Variants in MAP7D2 observed in about 807,000 individuals in gnomAD.
MAP7D2 encodes the protein MAP7 domain-containing protein 2.
Under a neutral mutation model 63.5 loss-of-function variants are expected in MAP7D2, and 33 were observed. The ratio of observed to expected loss-of-function variants is 0.52; its 90% confidence interval spans 0.39 to 0.70. The LOEUF is 0.70. MAP7D2 is among the 30% of genes least tolerant of loss of function. MAP7D2 has a pLI of 0.00. For missense variants in MAP7D2, 626 were observed against 604.0 expected, an observed-to-expected ratio of 1.04 and a Z score of -0.38; for synonymous variants, 224 against 223.7, an observed-to-expected ratio of 1.00 and a Z score of -0.01.
At chrX:20,086,759 T>C (rs1225954037) in intron 1 of MAP7D2, among the ~76,000 whole-genome samples, 1 of 111,527 alleles carries the variant, frequency 9.0e-6, no homozygotes, top group African/African-American at 3.3e-5. Flanking sequence ...GGCACAGTCC[T>C]AAATGCTGTT....
At chrX:20,099,242 CT>C (rs2066361347) in intron 1 of MAP7D2, among the ~76,000 whole-genome samples, 1 of 14,027 alleles carries the variant, frequency 7.1e-5, no homozygotes, top group Non-Finnish European at 1.6e-4. Flanking sequence ...TATACTCTCT[CT>C]CTCTCTCTCT....
At chrX:20,099,998 G>C (rs1263374982) in intron 1 of MAP7D2, among the ~76,000 whole-genome samples, 3 of 111,478 alleles carry the variant, frequency 2.7e-5, no homozygotes, top group Non-Finnish European at 5.6e-5. Flanking sequence ...ACTTCCCTCA[G>C]ATCCTGGGGG....
chrX:20,114,096 C>T (rs971924931), intron 1 of MAP7D2, among the ~76,000 whole-genome samples: 1 of 112,069 alleles, frequency 8.9e-6, no homozygotes, highest in African/African-American at 3.2e-5. Flanking sequence ...TACAGTGGCG[C>T]GAGGTCAGCT....
At chrX:20,010,052 A>C (rs940517367) in intron 16 of MAP7D2, among the ~76,000 whole-genome samples, 4 of 112,034 alleles carry the variant, frequency 3.6e-5, no homozygotes, top group African/African-American at 1.3e-4. Flanking sequence ...TAAATTATTA[A>C]AGGATTTGGT....
intron 6 of MAP7D2, chrX:20,049,859 T>TA (rs1369676348): frequency 6.2e-6 from 2 of 324,085 alleles, no homozygotes; most frequent in Admixed American, 6.4e-5. Context: ...TTTCCCCTTT[T>TA]AAAAAAATTC....
chrX:20,020,317 G>C (rs569224994), intron 10 of MAP7D2, among the ~76,000 whole-genome samples: 4 of 110,773 alleles, frequency 3.6e-5, no homozygotes, highest in African/African-American at 1.3e-4. Context: ...CTCATGTCTC[G>C]GGAATCACAA....
chrX:20,074,315 A>C (rs1018692399), intron 1 of MAP7D2, among the ~76,000 whole-genome samples: 2 of 110,863 alleles, frequency 1.8e-5, no homozygotes, highest in Non-Finnish European at 3.8e-5. Flanking sequence ...GATCAGTGAA[A>C]GGCAGGAGTT....
At chrX:20,047,141 G>A (rs1371748372) in intron 6 of MAP7D2, among the ~76,000 whole-genome samples, 1 of 112,170 alleles carries the variant, frequency 8.9e-6, no homozygotes, top group Non-Finnish European at 1.9e-5. Flanking sequence ...GTCACTGGTA[G>A]AACTGTTTGG....
intron 1 of MAP7D2, among the ~76,000 whole-genome samples, chrX:20,077,913 A>G (rs1387449110): frequency 8.9e-6 from 1 of 112,349 alleles, no homozygotes; most frequent in African/African-American, 3.2e-5. Context: ...TTGTCTACAC[A>G]TGTAGACACA....
intron 6 of MAP7D2, 95 bp downstream of exon 6, chrX:20,050,729 T>C (rs747457554): frequency 2.4e-4 from 236 of 978,226 alleles, no homozygotes; most frequent in Non-Finnish European, 3.1e-4. Context: ...AGCCAGCAAA[T>C]AGGAAGCAAA....
intron 5 of MAP7D2, 104 bp from the exon 6 acceptor site, chrX:20,051,050 G>T: frequency 3.1e-6 from 2 of 649,403 alleles, no homozygotes; most frequent in Non-Finnish European, 4.3e-6. Context: ...CTTTTGGGTG[G>T]CAGAACATGG....
intron 1 of MAP7D2, among the ~76,000 whole-genome samples, chrX:20,104,056 C>T (rs1403644538): frequency 1.8e-5 from 2 of 111,738 alleles, no homozygotes; most frequent in African/African-American, 6.5e-5. Context: ...TATAGTGAAA[C>T]AGTCCATTTT....
chrX:20,082,859 A>G (rs2065811980), intron 1 of MAP7D2, among the ~76,000 whole-genome samples: 1 of 111,388 alleles, frequency 9.0e-6, no homozygotes, highest in Non-Finnish European at 1.9e-5. Context: ...CGAACTCCTG[A>G]CCTTGTGATC....
intron 1 of MAP7D2, among the ~76,000 whole-genome samples, chrX:20,104,727 C>A (rs1350294908): frequency 8.9e-6 from 1 of 112,163 alleles, no homozygotes; most frequent in African/African-American, 3.2e-5. Context: ...GTATCTCCAC[C>A]AGGGGAAAAA....
In MAP7D2 at chrX:20,015,266, T is replaced by C. The variant is rs777895867; in HGVS notation, c.1706A>G (p.Gln569Arg). 29 of 1,209,657 alleles carry C rather than the reference T, an allele frequency of 2.4e-5. No homozygotes were observed. The East Asian group carries it at 8.6e-4, about 36-fold the overall frequency. ...VAEQMRLERE[Q>R]IMLQIEQERL... ...CTCCTGCTCAATCTGCAGCATAATC[T>C]GTTCTCTCTCGAGACGCATCTGTTC... Residue 569 changes from glutamine to arginine, a missense_variant, in exon 12 of 17, where the codon CAG becomes CGG. Physicochemically the swap from Gln to Arg is conservative, Grantham distance 43. Transcript: ENST00000379643.
chrX:20,053,902 G>A lies in MAP7D2; in HGVS notation c.485-914C>T, dbSNP rs192659033. ...TCTGTCTCCCAGGCTAGAGTGCAGT[G>A]GCACGATCTCGGCTCACTGCAACCT... On this transcript the variant is annotated intron_variant, in intron 4 of 16. Coordinates refer to ENST00000379643, the MANE Select transcript of MAP7D2 (RefSeq NM_001168465.2). 7.6e-4 allele frequency among the ~76,000 whole-genome samples: 85 copies of A among 111,680 alleles called. No homozygotes were observed. The East Asian group carries it at 0.022, about 29-fold the overall frequency.
chrX:20,113,036 T>A (rs2066789724), intron 1 of MAP7D2, among the ~76,000 whole-genome samples: 1 of 111,897 alleles, frequency 8.9e-6, no homozygotes, highest in Non-Finnish European at 1.9e-5. Flanking sequence ...AGCAGCTATG[T>A]CACCATGGCT....
chrX:20,111,545 G>A (rs1489887595), intron 1 of MAP7D2, among the ~76,000 whole-genome samples: 1 of 111,662 alleles, frequency 9.0e-6, no homozygotes, highest in Non-Finnish European at 1.9e-5. Flanking sequence ...GCTGAAGACT[G>A]TCCCGGCAGA....
chrX:20,096,130 AAAG>A (rs1368911550), intron 1 of MAP7D2, among the ~76,000 whole-genome samples: 1 of 106,979 alleles, frequency 9.3e-6, no homozygotes, highest in Non-Finnish European at 1.9e-5. Flanking sequence ...AAAGAAAAGA[AAAG>A]AAAAGAAATT....
Sources: gnomAD v4.1 joint callset for allele counts (sites outside exome capture counted in the v4.1 genomes callset) on GRCh38, gnomAD v4.1.1 for gene constraint, MANE v1.5 for transcripts, NCBI Gene and HGNC (gene_info 2026-07-23, HGNC 2026-07-21) for gene names.